OPCML: variants seen among roughly 807,000 people sequenced by gnomAD.
OPCML encodes opioid-binding protein/cell adhesion molecule.
Under a neutral mutation model 37.8 loss-of-function variants are expected in OPCML, and 13 were observed. That is an observed-to-expected ratio of 0.34 (90% CI 0.22 to 0.55). The LOEUF (loss-of-function observed/expected upper bound fraction) is 0.55, where lower values mean the gene tolerates loss of function less well. Ranked by LOEUF, OPCML falls within the 20% of genes least tolerant of loss-of-function variation. OPCML has a pLI of 0.91. For missense variants in OPCML, 341 were observed against 435.6 expected (o/e 0.78, Z 1.93); for synonymous variants, 176 against 168.8 (o/e 1.04, Z -0.33).
At chr11:132,921,295 G>A (rs189091255) in intron 2 of OPCML, among the ~76,000 whole-genome samples, 13 of 152,294 alleles carry the variant, frequency 8.5e-5, no homozygotes, top group Admixed American at 6.5e-4. Flanking sequence ...ACGACGCAGT[G>A]AATGCAATGG....
chr11:132,441,312 C>G (rs193246510), intron 4 of OPCML, among the ~76,000 whole-genome samples: 1 of 148,730 alleles, frequency 6.7e-6, no homozygotes, highest in Admixed American at 6.6e-5. Context: ...GGACTGCAGG[C>G]GCCCGCCACT....
intron 2 of OPCML, among the ~76,000 whole-genome samples, chr11:132,881,615 T>TAA (rs1555202574): frequency 3.6e-5 from 4 of 110,308 alleles, no homozygotes; most frequent in Non-Finnish European, 6.2e-5. Context: ...ATCCCAAATT[T>TAA]AAAAAAATAA....
chr11:132,695,034 G>T (rs915951460), intron 2 of OPCML, among the ~76,000 whole-genome samples: 3 of 152,164 alleles, frequency 2.0e-5, no homozygotes, highest in Non-Finnish European at 2.9e-5. Context: ...ACTCCTACTG[G>T]GTTCAAACAC....
chr11:132,478,744 T>G (rs2096166510), intron 4 of OPCML, among the ~76,000 whole-genome samples: 1 of 152,324 alleles, frequency 6.6e-6, no homozygotes, highest in South Asian at 2.1e-4. Flanking sequence ...GTGGTCATTC[T>G]TTGGCTTCTA....
chr11:132,630,584 A>C lies in OPCML; in HGVS notation c.379+26503T>G, dbSNP rs113231245. 9.2e-3 allele frequency among the ~76,000 whole-genome samples: 1,396 copies of C among 152,196 alleles called. 9 individuals carry two copies. Among genetic ancestry groups the C allele is most frequent in the African/African-American group, 0.032 (1,330 of 41,528 alleles). On this transcript the variant is annotated intron_variant, in intron 3 of 7. Coordinates refer to ENST00000524381, the MANE Select transcript of OPCML (RefSeq NM_001012393.5). The stretch of plus-strand genomic sequence containing the variant: ...TAGTTGAGAGCAGAGAGCATATACC[A>C]CTACATACTAGAATAATTAATAGTA...
chr11:133,304,443 G>C (rs1457042906), intron 1 of OPCML, among the ~76,000 whole-genome samples: 20 of 152,182 alleles, frequency 1.3e-4, no homozygotes, highest in Admixed American at 1.3e-3. Context: ...ACTGGGACCT[G>C]TTATGCCTTC....
At chr11:133,048,601 C>T (rs1396289371) in intron 1 of OPCML, among the ~76,000 whole-genome samples, 1 of 152,148 alleles carries the variant, frequency 6.6e-6, no homozygotes, top group Non-Finnish European at 1.5e-5. Flanking sequence ...TTGTCTGTGC[C>T]ACTTACTTAC....
chr11:132,762,831 C>T (rs1272591763), intron 2 of OPCML, among the ~76,000 whole-genome samples: 3 of 152,144 alleles, frequency 2.0e-5, no homozygotes, highest in Admixed American at 1.3e-4. Context: ...ATGGTTCTGT[C>T]TCACTGGTGT....
intron 2 of OPCML, among the ~76,000 whole-genome samples, chr11:132,885,990 C>T (rs1943397874): frequency 6.6e-6 from 1 of 152,034 alleles, no homozygotes. Flanking sequence ...TATACAAACA[C>T]CATTATAATA....
At chr11:132,521,883 T>C (rs1245093294) in intron 4 of OPCML, among the ~76,000 whole-genome samples, 1 of 152,222 alleles carries the variant, frequency 6.6e-6, no homozygotes, top group Non-Finnish European at 1.5e-5. Context: ...TTGTGTATAG[T>C]TCGGCAACAT....
intron 2 of OPCML, among the ~76,000 whole-genome samples, chr11:132,837,080 C>T (rs977603335): frequency 4.6e-5 from 7 of 152,084 alleles, no homozygotes; most frequent in Non-Finnish European, 8.8e-5. Flanking sequence ...TTTGAAAGGC[C>T]AAGTCGGGTG....
At chr11:132,693,280 T>G (rs762457197) in intron 2 of OPCML, among the ~76,000 whole-genome samples, 3 of 152,208 alleles carry the variant, frequency 2.0e-5, no homozygotes, top group Non-Finnish European at 4.4e-5. Context: ...GCATAGTTGT[T>G]ACCTCATAAA....
At chr11:133,247,368 A>G (rs1940962834) in intron 1 of OPCML, among the ~76,000 whole-genome samples, 1 of 152,136 alleles carries the variant, frequency 6.6e-6, no homozygotes, top group Non-Finnish European at 1.5e-5. Flanking sequence ...ATATCCTAGG[A>G]ACTAGGGTTA....
intron 1 of OPCML, among the ~76,000 whole-genome samples, chr11:133,142,547 T>A (rs149156478): frequency 6.6e-6 from 1 of 152,346 alleles, no homozygotes; most frequent in Non-Finnish European, 1.5e-5. Context: ...CTACTGTCTA[T>A]TATTTTAATC....
chr11:132,997,836 A>G (rs1236493895), intron 1 of OPCML, among the ~76,000 whole-genome samples: 1 of 152,154 alleles, frequency 6.6e-6, no homozygotes, highest in African/African-American at 2.4e-5. Flanking sequence ...CACATCTTGG[A>G]GCTGATACTT....
rs578030516 is a variant in OPCML at position 133,397,467 on chromosome 11, G to A, written c.61+134797C>T. Among the ~76,000 whole-genome samples the A allele has an allele frequency of 1.5e-3, 235 of 152,304 alleles. No individual in the cohort carries two copies. The South Asian group carries it at 0.025, about 16-fold the overall frequency. On this transcript the variant is annotated intron_variant, in intron 1 of 7. Transcript: ENST00000524381. ...TGTATTTGTAGCTTATGTACTGAGC[G>A]GACTTCAGATAGTCCTGCTTTGTAA...
intron 2 of OPCML, among the ~76,000 whole-genome samples, chr11:132,802,652 T>C (rs1938732030): frequency 6.6e-6 from 1 of 152,134 alleles, no homozygotes; most frequent in African/African-American, 2.4e-5. Context: ...CCACAGAATA[T>C]TCACTGGACG....
At chr11:132,847,362 C>A (rs1001464455) in intron 2 of OPCML, among the ~76,000 whole-genome samples, 1 of 152,054 alleles carries the variant, frequency 6.6e-6, no homozygotes, top group Admixed American at 6.5e-5. Flanking sequence ...GTCAAAACGT[C>A]CGTGGAGTAA....
chr11:133,044,868 G>C (rs149423448), intron 1 of OPCML, among the ~76,000 whole-genome samples: 1 of 152,036 alleles, frequency 6.6e-6, no homozygotes, highest in African/African-American at 2.4e-5. Flanking sequence ...ATGAAACCCT[G>C]GTCAAAGACG....
Sources: gnomAD v4.1 joint callset for allele counts (sites outside exome capture counted in the v4.1 genomes callset) on GRCh38, gnomAD v4.1.1 for gene constraint, MANE v1.5 for transcripts, NCBI Gene and HGNC (gene_info 2026-07-23, HGNC 2026-07-21) for gene names.